Variants in PTPRG observed in about 807,000 individuals in gnomAD.
PTPRG encodes the protein receptor-type tyrosine-protein phosphatase gamma.
A neutral mutation model predicts 165.3 loss-of-function variants in PTPRG; 102 were observed. That is an observed-to-expected ratio of 0.62 (90% CI 0.53 to 0.73). The LOEUF (loss-of-function observed/expected upper bound fraction) is 0.73. Ranked by LOEUF, PTPRG falls within the 30% of genes least tolerant of loss-of-function variation. PTPRG has a pLI of 0.00. For synonymous variants in PTPRG, 675 were observed against 669.5 expected (o/e 1.01, Z -0.13); for missense variants, 1,866 against 1,861.4 (o/e 1.00, Z -0.05).
chr3:61,881,182 C>G (rs991720409), intron 2 of PTPRG, among the ~76,000 whole-genome samples: 1 of 152,202 alleles, frequency 6.6e-6, no homozygotes, highest in South Asian at 2.1e-4. Flanking sequence ...GGGGCTTGCT[C>G]TCTAAAAACA....
chr3:62,207,341 G>T (rs1005636668), intron 12 of PTPRG, among the ~76,000 whole-genome samples: 1 of 152,212 alleles, frequency 6.6e-6, no homozygotes, highest in East Asian at 1.9e-4. Context: ...ATCTGCATGT[G>T]CCTGTTGATT....
At chr3:61,951,040 A>T (rs1183135550) in intron 2 of PTPRG, among the ~76,000 whole-genome samples, 1 of 152,216 alleles carries the variant, frequency 6.6e-6, no homozygotes, top group Non-Finnish European at 1.5e-5. Context: ...TGGTTAAAAT[A>T]TCATTTTCGT....
rs1340897636 is a variant in PTPRG, at chr3:62,203,240, C to T, written c.1445C>T (p.Ser482Phe). ...AGCTCGGGGTCTTCTACCTGGACGT[C>T]CTCTGGCATCCCATTCTCATTTGTT... The part of the protein sequence containing the change: ...PISSGSSTWT[S>F]SGIPFSFVSM... Residue 482 changes from serine to phenylalanine, a missense_variant, in exon 12 of 30, where the codon TCC becomes TTC. Around this residue, in one of 3 missense-constraint regions of PTPRG, gnomAD observed 1,452 missense variants for 1,463.0 expected, o/e 0.99. Coordinates refer to ENST00000474889, the MANE Select transcript of PTPRG (RefSeq NM_002841.4). This position sits in a 1 kb window ranked among gnomAD's most constrained non-coding sequence, Gnocchi z 6.4. The T allele has an allele frequency of 1.9e-6, 3 of 1,613,800 alleles. No homozygotes were observed. The highest frequency in any genetic ancestry group is 1.1e-5 in the South Asian group (1 of 91,040).
chr3:62,036,834 C>T (rs1162384205), intron 4 of PTPRG, among the ~76,000 whole-genome samples: 1 of 152,170 alleles, frequency 6.6e-6, no homozygotes, highest in Non-Finnish European at 1.5e-5. Context: ...TGGCCATGAG[C>T]AAATCATCGG....
At position 62,190,614 on chromosome 3, in the gene PTPRG, GGTTCTGCTGTTCCAGA is replaced by G. The variant is rs1438295851; in HGVS notation, c.1034-853_1034-838del. ...ACCCCACGTCAGGATAATTACACGG[GGTTCTGCTGTTCCAGA>G]GAAAGTCATCCTTGTGTTATGTGAC... On this transcript the variant is annotated intron_variant, in intron 8 of 29. Coordinates refer to ENST00000474889, the MANE Select transcript of PTPRG (RefSeq NM_002841.4). This position sits in a 1 kb window ranked among gnomAD's most constrained non-coding sequence, Gnocchi z 5.2. Among the ~76,000 whole-genome samples the G allele has an allele frequency of 6.6e-6, 1 of 152,118 alleles. No homozygotes were observed. Among genetic ancestry groups the G allele is most frequent in the East Asian group, 1.9e-4 (1 of 5,196 alleles).
chr3:61,879,216 T>C (rs1421110902), intron 2 of PTPRG, among the ~76,000 whole-genome samples: 2 of 152,170 alleles, frequency 1.3e-5, no homozygotes, highest in Non-Finnish European at 2.9e-5. Context: ...CCCTGAGTGT[T>C]GATTACCAAG....
rs757104154 is a variant in PTPRG at position 62,269,073 on chromosome 3, G to C, written c.2913G>C (p.Glu971Asp). 6 of 1,604,338 alleles carry C rather than the reference G, an allele frequency of 3.7e-6. No homozygotes were observed. The highest frequency in any genetic ancestry group is 1.3e-5 in the African/African-American group (1 of 74,772). Reference protein sequence around the residue: ...CDQYWPTENSEEYGNIIVTLK... With the variant: ...CDQYWPTENSDEYGNIIVTLK... Reference sequence around the variant, plus strand: ...AGTATTGGCCAACAGAGAACAGTGAGGAATATGGAAACATTATTGTCACGC... The same window carrying C: ...AGTATTGGCCAACAGAGAACAGTGACGAATATGGAAACATTATTGTCACGC... Residue 971 changes from glutamate (E) to aspartate (D), a missense_variant, in exon 20 of 30, where the codon GAG becomes GAC. Around this residue, in one of 3 missense-constraint regions of PTPRG, gnomAD observed 1,452 missense variants for 1,463.0 expected, o/e 0.99. Coordinates refer to ENST00000474889, the MANE Select transcript of PTPRG (RefSeq NM_002841.4).
chr3:61,976,306 A>C (rs2107670158), intron 2 of PTPRG, among the ~76,000 whole-genome samples: 1 of 152,324 alleles, frequency 6.6e-6, no homozygotes, highest in African/African-American at 2.4e-5. Flanking sequence ...TTGACAAAGG[A>C]GATGGATTTA....
intron 1 of PTPRG, among the ~76,000 whole-genome samples, chr3:61,614,651 A>G (rs558979489): frequency 6.6e-6 from 1 of 152,252 alleles, no homozygotes. Context: ...GATTCAAGCA[A>G]TCCACCCGCT....
chr3:61,787,755 C>T (rs1357928437), intron 2 of PTPRG, among the ~76,000 whole-genome samples: 1 of 152,060 alleles, frequency 6.6e-6, no homozygotes, highest in Non-Finnish European at 1.5e-5. Flanking sequence ...CTTAAAAGGC[C>T]GATTTATTGA....
chr3:62,285,440 TTTTAGTGTGCAAATGTTGTG>T lies in PTPRG; in HGVS notation c.4055+2572_4055+2591del, dbSNP rs1444044909. Among the ~76,000 whole-genome samples, 223 of 150,642 alleles carry T rather than the reference TTTTAGTGTGCAAATGTTGTG, an allele frequency of 1.5e-3. 2 individuals are homozygous for T. Among genetic ancestry groups the T allele is most frequent in the African/African-American group, 5.1e-3 (210 of 41,024 alleles). On this transcript the variant is annotated intron_variant, in intron 28 of 29. Coordinates refer to ENST00000474889, the MANE Select transcript of PTPRG (RefSeq NM_002841.4). ...TGATCTGTGAGGCAGAGAGTTGAAC[TTTTAGTGTGCAAATGTTGTG>T]ACATCTATTTGGTCTTCATAGAGAT...
At chr3:61,948,593 G>T (rs2039822048) in intron 2 of PTPRG, among the ~76,000 whole-genome samples, 1 of 152,138 alleles carries the variant, frequency 6.6e-6, no homozygotes, top group Admixed American at 6.5e-5. Context: ...AAGGCAGAGG[G>T]GTTGACGGAT....
chr3:62,251,437 C>A (rs538384678), intron 15 of PTPRG, among the ~76,000 whole-genome samples: 6 of 152,104 alleles, frequency 3.9e-5, no homozygotes, highest in Admixed American at 3.9e-4. Flanking sequence ...TTGCTTGAGG[C>A]TAGGAGTTCA....
chr3:61,608,004 AT>A (rs1701060801), intron 1 of PTPRG, among the ~76,000 whole-genome samples: 1 of 151,984 alleles, frequency 6.6e-6, no homozygotes, highest in Admixed American at 6.6e-5. Flanking sequence ...ATTACTTCCA[AT>A]TTTTATTTTT....
chr3:62,236,648 T>C (rs1701039885), intron 14 of PTPRG, among the ~76,000 whole-genome samples: 1 of 152,214 alleles, frequency 6.6e-6, no homozygotes, highest in Non-Finnish European at 1.5e-5. Context: ...ATAAACTCTT[T>C]GCCACCCTGA....
intron 4 of PTPRG, among the ~76,000 whole-genome samples, chr3:62,041,281 G>T (rs1700119316): frequency 6.6e-6 from 1 of 152,182 alleles, no homozygotes; most frequent in African/African-American, 2.4e-5. Flanking sequence ...AGACTTAGAA[G>T]CCTTTTCGGA....
intron 1 of PTPRG, among the ~76,000 whole-genome samples, chr3:61,719,164 G>A (rs1376925370): frequency 2.6e-5 from 4 of 152,172 alleles, no homozygotes; most frequent in African/African-American, 7.2e-5. Context: ...GAAACTGTAC[G>A]ATCTTACAAT....
chr3:61,753,915 A>G (rs2033544943), intron 2 of PTPRG, among the ~76,000 whole-genome samples: 1 of 151,938 alleles, frequency 6.6e-6, no homozygotes, highest in Non-Finnish European at 1.5e-5. Context: ...TTTATATATA[A>G]AGTTATTTTC....
chr3:61,757,771 ATCAGAG>A (rs1165134211), intron 2 of PTPRG, among the ~76,000 whole-genome samples: 5 of 152,244 alleles, frequency 3.3e-5, no homozygotes, highest in African/African-American at 9.6e-5. Context: ...TCTGCGATGA[ATCAGAG>A]TCAAACATCT....
Sources: gnomAD v4.1 joint callset for allele counts (sites outside exome capture counted in the v4.1 genomes callset) on GRCh38, gnomAD v4.1.1 for gene constraint, gnomAD v4.1.1 regional missense constraint, Gnocchi (gnomAD v3.1) non-coding constraint, MANE v1.5 for transcripts, NCBI Gene and HGNC (gene_info 2026-07-23, HGNC 2026-07-21) for gene names.